Variants in RNF10 observed in about 807,000 individuals in gnomAD.
RNF10 encodes E3 ubiquitin-protein ligase RNF10.
RNF10 carries 38 observed loss-of-function variants against 91.4 expected under a neutral mutation model. That is an observed-to-expected ratio of 0.42 (90% CI 0.32 to 0.54). RNF10 has a LOEUF of 0.54. RNF10 is among the 20% of genes least tolerant of loss of function. The pLI, the probability that RNF10 is intolerant of heterozygous loss-of-function variation, is 0.16. For missense variants in RNF10, 945 were observed against 1,012.0 expected (o/e 0.93, Z 0.90); for synonymous variants, 364 against 366.3 (o/e 0.99, Z 0.07).
Position 120,565,135 on chromosome 12 carries a change from G to C in RNF10, c.1729G>C (p.Glu577Gln). Reference protein sequence around the residue: ...LPLTCEFSICELALQPPVVSK... With the variant: ...LPLTCEFSICQLALQPPVVSK... Reference sequence around the variant, plus strand: ...ACTCACCTGTGAGTTCAGCATCTGTGAACTGGCTTTGCAACCTCCTGTGGT... The same window carrying C: ...ACTCACCTGTGAGTTCAGCATCTGTCAACTGGCTTTGCAACCTCCTGTGGT... Residue 577 changes from glutamate (E) to glutamine (Q), a missense_variant, in exon 11 of 17, where the codon GAA becomes CAA. By Grantham distance (29) the Glu-to-Gln change is conservative. Transcript: ENST00000325954. 6.2e-7 allele frequency: 1 copy of C among 1,614,124 alleles called. No individual in the cohort carries two copies. Among genetic ancestry groups the C allele is most frequent in the Non-Finnish European group, 8.5e-7 (1 of 1,179,988 alleles).
At chr12:120,548,293 T>C (rs1872588865) in intron 2 of RNF10, among the ~76,000 whole-genome samples, 1 of 152,176 alleles carries the variant, frequency 6.6e-6, no homozygotes, top group African/African-American at 2.4e-5. Flanking sequence ...CAGTTGGTGC[T>C]TAAAGCTGTG....
At chr12:120,566,778 AAT>A (rs1273343639) in intron 12 of RNF10, 45 bp from the exon 13 acceptor site, 21 of 1,541,300 alleles carry the variant, frequency 1.4e-5, no homozygotes, top group South Asian at 4.8e-5. Flanking sequence ...AAAAAAAAAA[AAT>A]TGAATTCTGT....
chr12:120,569,751 T>G (rs1025453201), intron 13 of RNF10, among the ~76,000 whole-genome samples: 2 of 152,000 alleles, frequency 1.3e-5, no homozygotes, highest in African/African-American at 4.8e-5. Flanking sequence ...TTGGCCAGGT[T>G]GGTCTCAAAC....
chr12:120,569,983 C>T (rs1005386627), intron 13 of RNF10, among the ~76,000 whole-genome samples: 1 of 152,094 alleles, frequency 6.6e-6, no homozygotes, highest in Non-Finnish European at 1.5e-5. Context: ...ACTTCCCCCT[C>T]GCGGGTTCAA....
chr12:120,534,781 C>A lies in RNF10; in HGVS notation c.-31C>A. The A allele has an allele frequency of 6.5e-7, 1 of 1,540,950 alleles. No individual in the cohort carries two copies. The highest frequency in any genetic ancestry group is 1.2e-5 in the South Asian group (1 of 84,310). ...GGGTCCCCGCCGCGCCCGCTCCGCTCCGACTGCCGTCGCCGCCGAGGCCCC... is the reference window on the plus strand; with the variant it reads ...GGGTCCCCGCCGCGCCCGCTCCGCTACGACTGCCGTCGCCGCCGAGGCCCC... On this transcript the variant is annotated 5_prime_UTR_variant, in exon 1 of 17. Transcript: ENST00000325954.
At chr12:120,546,705 G>A (rs1439004286) in intron 2 of RNF10, 104 bp downstream of exon 2, 2 of 1,006,444 alleles carry the variant, frequency 2.0e-6, no homozygotes, top group Non-Finnish European at 2.8e-6. Flanking sequence ...AAGAGGTAGA[G>A]GAATAGATAA....
In RNF10 at chr12:120,557,710, T is replaced by G. The variant is rs759080117; in HGVS notation, c.967+28T>G. On this transcript the variant is annotated intron_variant, in intron 6 of 16. Transcript: ENST00000325954. ...GAGTTCTTTAAATTTTGGGGACAAA[T>G]AATCCTGGGTACATTCTTTAAGGTG... 3 of 1,611,674 alleles carry G rather than the reference T, an allele frequency of 1.9e-6. No individual in the cohort carries two copies. In the Admixed American group the frequency reaches 5.0e-5, roughly 27 times the overall value.
At position 120,576,075 on chromosome 12, in the gene RNF10, T is replaced by A. The variant is rs1012620719; in HGVS notation, c.2359+125T>A. On this transcript the variant is annotated intron_variant, in intron 16 of 16. Coordinates refer to ENST00000325954, the MANE Select transcript of RNF10 (RefSeq NM_014868.5). ...TTCCCTTCTGAACCCTTCAGCACAC[T>A]CTAGTGTCATTTAAATAATACTCCA... 7.4e-6 allele frequency: 7 copies of A among 943,674 alleles called. No individual in the cohort carries two copies. The Admixed American group carries it at 1.5e-4, about 21-fold the overall frequency. The allele number at this position is 943,674 out of a possible 1,614,324, so 58.5% of individuals were successfully genotyped here.
At chr12:120,550,004 T>C (rs961553669) in intron 2 of RNF10, among the ~76,000 whole-genome samples, 2 of 151,952 alleles carry the variant, frequency 1.3e-5, no homozygotes, top group Non-Finnish European at 2.9e-5. Flanking sequence ...GAGGTTGTGG[T>C]TGTTGGTCTA....
Position 120,557,281 on chromosome 12 carries a change from G to A in RNF10, c.646-1G>A. On this transcript the variant is annotated splice_acceptor_variant, in intron 4 of 16. Coordinates refer to ENST00000325954, the MANE Select transcript of RNF10 (RefSeq NM_014868.5). LOFTEE classifies it high-confidence loss of function. ...AACCTTCTGGTGGCATTTTGTTTCAGCGCATTTGTAGCCATGAAGTGCCAT... is the reference window on the plus strand; with the variant it reads ...AACCTTCTGGTGGCATTTTGTTTCAACGCATTTGTAGCCATGAAGTGCCAT... 6.2e-7 allele frequency: 1 copy of A among 1,613,448 alleles called. No homozygotes were observed. Among genetic ancestry groups the A allele is most frequent in the Non-Finnish European group, 8.5e-7 (1 of 1,179,576 alleles).
chr12:120,549,399 G>A (rs1872726243), intron 2 of RNF10, among the ~76,000 whole-genome samples: 1 of 152,122 alleles, frequency 6.6e-6, no homozygotes, highest in South Asian at 2.1e-4. Flanking sequence ...TGTTAGCCCT[G>A]TTTGTCTGCT....
At chr12:120,535,070 C>G in intron 1 of RNF10, 102 bp downstream of exon 1, 3 of 1,255,658 alleles carry the variant, frequency 2.4e-6, no homozygotes, top group South Asian at 1.6e-5. Context: ...GCTCCACTTT[C>G]TTTTATAGCT....
chr12:120,548,412 C>A (rs4767913), intron 2 of RNF10, among the ~76,000 whole-genome samples: 1 of 151,820 alleles, frequency 6.6e-6, no homozygotes, highest in Non-Finnish European at 1.5e-5. Context: ...ACAGTCAGGG[C>A]GGGAGGAAAA....
At position 120,576,666 on chromosome 12, in the gene RNF10, A is replaced by G. The variant is rs761732327; in HGVS notation, c.2436A>G (p.Ter812TrpextTer27). Residue 812 changes from the stop codon to tryptophan (W), a stop_lost, in exon 17 of 17, where the codon TGA (stop) becomes TGG (tryptophan). Transcript: ENST00000325954. ...GCACCTCAGTCGTCCACACCAAGTG[A>G]CACTACTGGCCCAGGCTACCTTCTC... is the stretch of plus-strand genomic sequence containing the variant. ...LFSTSVVHTK* is the reference protein window; with the variant it reads ...LFSTSVVHTKW 2.5e-6 allele frequency: 4 copies of G among 1,612,590 alleles called. No homozygotes were observed. Among genetic ancestry groups the G allele is most frequent in the African/African-American group, 1.3e-5 (1 of 74,776 alleles).
intron 13 of RNF10, 103 bp from the exon 14 acceptor site, chr12:120,571,088 G>A (rs1000494847): frequency 1.2e-5 from 8 of 676,914 alleles, no homozygotes; most frequent in Non-Finnish European, 2.0e-5. Context: ...TTGAGGGGAT[G>A]ATTTGTAATT....
Position 120,575,814 on chromosome 12 carries a change from T to C in RNF10, c.2223T>C (p.Pro741=). Residue 741 remains proline (P), a synonymous_variant, in exon 16 of 17, where the codon CCT becomes CCC. Coordinates refer to ENST00000325954, the MANE Select transcript of RNF10 (RefSeq NM_014868.5). ...TAGATGAGAACAGCTTAGTTCCTCC[T>C]GCCCCTGTGGACAGCGACGGGGAGA... ...PKKDENSLVP[P]APVDSDGESD... is the part of the protein sequence containing the mutation. 7 of 1,614,228 alleles carry C rather than the reference T, an allele frequency of 4.3e-6. No individual in the cohort carries two copies. Among genetic ancestry groups the C allele is most frequent in the Non-Finnish European group, 5.1e-6 (6 of 1,180,026 alleles).
intron 1 of RNF10, among the ~76,000 whole-genome samples, chr12:120,543,921 C>T (rs1871923593): frequency 6.6e-6 from 1 of 151,998 alleles, no homozygotes; most frequent in African/African-American, 2.4e-5. Context: ...GGCACCACTG[C>T]TTTCCACCCT....
intron 1 of RNF10, among the ~76,000 whole-genome samples, chr12:120,537,888 G>A (rs1246933111): frequency 4.6e-5 from 7 of 152,124 alleles, no homozygotes; most frequent in African/African-American, 1.7e-4. Context: ...AAAAGGTTAG[G>A]AAACTGGATA....
intron 4 of RNF10, among the ~76,000 whole-genome samples, chr12:120,556,740 G>A (rs1447444512): frequency 6.6e-6 from 1 of 151,768 alleles, no homozygotes; most frequent in Admixed American, 6.6e-5. Context: ...TTTTATAAAT[G>A]GGAATATAGT....
Sources: allele counts gnomAD v4.1 joint callset (sites outside exome capture counted in the v4.1 genomes callset), GRCh38; gene constraint gnomAD v4.1.1; transcripts MANE v1.5; gene names NCBI Gene and HGNC (gene_info 2026-07-23, HGNC 2026-07-21).